CTNNA2: variants seen among roughly 807,000 people sequenced by gnomAD.
CTNNA2 encodes catenin alpha 2.
In CTNNA2, 42 loss-of-function variants were observed where a neutral mutation model predicts 101.0. The ratio of observed to expected loss-of-function variants is 0.42; its 90% CI spans 0.32 to 0.54. The LOEUF is 0.54. Ranked by LOEUF, CTNNA2 falls within the 20% of genes least tolerant of loss-of-function variation. The pLI, the probability that CTNNA2 is intolerant of heterozygous loss-of-function variation, is 0.14. For missense variants in CTNNA2, 871 were observed against 1,223.1 expected, an observed-to-expected ratio of 0.71 and a Z score of 4.29; for synonymous variants, 450 against 456.4, an observed-to-expected ratio of 0.99 and a Z score of 0.18.
chr2:80,300,547 C>T (rs1221233423), intron 7 of CTNNA2, among the ~76,000 whole-genome samples: 1 of 151,972 alleles, frequency 6.6e-6, no homozygotes, highest in African/African-American at 2.4e-5. Context: ...TAGCTGGAGA[C>T]ATTTGCATGT....
chr2:79,270,468 T>C (rs564767493), intron 2 of CTNNA2, among the ~76,000 whole-genome samples: 1 of 152,238 alleles, frequency 6.6e-6, no homozygotes, highest in South Asian at 2.1e-4. Context: ...TGCTAATTCT[T>C]GGTAATTGAG....
At chr2:79,365,829 G>A (rs967818686) in intron 3 of CTNNA2, among the ~76,000 whole-genome samples, 5 of 152,152 alleles carry the variant, frequency 3.3e-5, no homozygotes, top group Non-Finnish European at 7.4e-5. Flanking sequence ...GCCCAGGGAA[G>A]GTAATGTCTC....
intron 6 of CTNNA2, among the ~76,000 whole-genome samples, chr2:79,875,267 C>G (rs1031747502): frequency 2.0e-5 from 3 of 152,146 alleles, no homozygotes; most frequent in African/African-American, 4.8e-5. Context: ...CCATTCCCCC[C>G]GGGTCAGAGG....
intron 4 of CTNNA2, among the ~76,000 whole-genome samples, chr2:79,503,494 T>TC (rs1671348370): frequency 6.6e-6 from 1 of 152,114 alleles, no homozygotes; most frequent in South Asian, 2.1e-4. Flanking sequence ...GTCACACAAT[T>TC]CCCTGATCTT....
At chr2:80,109,977 G>T (rs2148858934) in intron 7 of CTNNA2, among the ~76,000 whole-genome samples, 1 of 152,282 alleles carries the variant, frequency 6.6e-6, no homozygotes, top group Middle Eastern at 3.4e-3. Flanking sequence ...GATAAGAGCT[G>T]CTTTTTATGG....
chr2:79,854,123 AT>A (rs5832413), intron 3 of CTNNA2, among the ~76,000 whole-genome samples: 40,508 of 150,446 alleles, frequency 0.27, 5,606 homozygotes, highest in Non-Finnish European at 0.3. Context: ...GCAGAGCACC[AT>A]TTTTTTTTTA....
chr2:79,668,246 CAAAAAAAAAAAA>C (rs34348942), intron 2 of CTNNA2, among the ~76,000 whole-genome samples: 2,079 of 69,322 alleles, frequency 0.03, 68 homozygotes, highest in African/African-American at 0.094. Context: ...GACTCCGTCT[CAAAAAAAAAAAA>C]AAAAAAAAAA....
At chr2:80,633,482 C>T (rs909189598) in intron 18 of CTNNA2, among the ~76,000 whole-genome samples, 4 of 152,102 alleles carry the variant, frequency 2.6e-5, no homozygotes, top group Admixed American at 1.3e-4. Context: ...ATGACTGCTT[C>T]GTCACATGAC....
chr2:79,415,991 TATA>T (rs35189412), intron 4 of CTNNA2, among the ~76,000 whole-genome samples: 45,139 of 151,826 alleles, frequency 0.3, 6,828 homozygotes, highest in South Asian at 0.43. Flanking sequence ...CAGCAAGAAT[TATA>T]ATAACTGTCT....
chr2:79,382,775 G>A (rs1462667546), intron 4 of CTNNA2, among the ~76,000 whole-genome samples: 6 of 151,890 alleles, frequency 4.0e-5, no homozygotes, highest in Non-Finnish European at 7.4e-5. Context: ...CACCACGCCC[G>A]GCTAATTTTT....
intron 7 of CTNNA2, among the ~76,000 whole-genome samples, chr2:80,170,108 T>G (rs1220491493): frequency 2.0e-5 from 3 of 152,140 alleles, no homozygotes; most frequent in Non-Finnish European, 2.9e-5. Context: ...CCCCTCTTAT[T>G]TACATTTTCT....
intron 2 of CTNNA2, among the ~76,000 whole-genome samples, chr2:79,294,430 G>T (rs1178395560): frequency 6.6e-6 from 1 of 151,940 alleles, no homozygotes; most frequent in Non-Finnish European, 1.5e-5. Context: ...AGCCATATTG[G>T]GGTTTAGGGA....
chr2:79,829,487 T>A (rs117594417), intron 3 of CTNNA2, among the ~76,000 whole-genome samples: 1,821 of 149,732 alleles, frequency 0.012, 31 homozygotes, highest in East Asian at 0.033. Context: ...GGAGAATCGC[T>A]TGATCTCGGG....
At position 79,587,258 on chromosome 2, in the gene CTNNA2, G is replaced by A. The variant is rs190246598; in HGVS notation, c.-5-64294G>A. Among the ~76,000 whole-genome samples, 243 of 152,168 alleles carry A rather than the reference G, an allele frequency of 1.6e-3. 1 individual carries two copies. The highest frequency in any genetic ancestry group is 0.011 in the East Asian group (57 of 5,152). On this transcript the variant is annotated intron_variant, in intron 1 of 18. Transcript: ENST00000402739. Reference sequence around the variant, plus strand: ...AGGAATCTTCACACTGTTTTTCAAAGTGATTGTACCATATTTGAATTAATT... The same window carrying A: ...AGGAATCTTCACACTGTTTTTCAAAATGATTGTACCATATTTGAATTAATT...
intron 7 of CTNNA2, among the ~76,000 whole-genome samples, chr2:80,337,781 A>G (rs2149272996): frequency 6.6e-6 from 1 of 152,240 alleles, no homozygotes; most frequent in Admixed American, 6.5e-5. Context: ...AAGCACCTTA[A>G]CTGCCAATGT....
At chr2:80,167,578 T>A (rs1704786378) in intron 7 of CTNNA2, among the ~76,000 whole-genome samples, 1 of 152,210 alleles carries the variant, frequency 6.6e-6, no homozygotes, top group Non-Finnish European at 1.5e-5. Context: ...CCCTCATAAC[T>A]GTCCTTGAAT....
intron 7 of CTNNA2, among the ~76,000 whole-genome samples, chr2:80,208,320 T>A (rs1282105229): frequency 6.6e-6 from 1 of 152,214 alleles, no homozygotes; most frequent in Non-Finnish European, 1.5e-5. Flanking sequence ...GTGCAACTGT[T>A]AAATATAGAT....
At chr2:79,378,192 G>A (rs775754599) in intron 4 of CTNNA2, among the ~76,000 whole-genome samples, 1 of 151,954 alleles carries the variant, frequency 6.6e-6, no homozygotes, top group African/African-American at 2.4e-5. Context: ...GACATAAAAA[G>A]TTCCCATTTT....
intron 6 of CTNNA2, 47 bp downstream of exon 6, chr2:79,874,389 CAAAA>C: frequency 7.7e-7 from 1 of 1,297,988 alleles, no homozygotes; most frequent in Non-Finnish European, 1.1e-6. Flanking sequence ...CTGGTGTTGA[CAAAA>C]AAAAAAAATG....
Sources: gnomAD v4.1 joint callset for allele counts (sites outside exome capture counted in the v4.1 genomes callset) on GRCh38, gnomAD v4.1.1 for gene constraint, MANE v1.5 for transcripts, NCBI Gene and HGNC (gene_info 2026-07-23, HGNC 2026-07-21) for gene names.